The following KCNH4 variants were observed in gnomAD, a reference collection of about 807,000 sequenced individuals.
KCNH4 encodes the protein potassium voltage-gated channel subfamily H member 4.
A neutral mutation model predicts 90.7 loss-of-function variants in KCNH4; 33 were observed. The observed-to-expected ratio is 0.36, with a 90% CI of 0.28 to 0.49. The LOEUF (loss-of-function observed/expected upper bound fraction) is 0.49, where lower values mean the gene tolerates loss of function less well. Among genes scored for constraint, KCNH4 ranks in the 20% least tolerant of loss-of-function variants. The pLI, the probability that KCNH4 is intolerant of heterozygous loss-of-function variation, is 0.98. For missense variants in KCNH4, 1,044 were observed against 1,387.1 expected (o/e 0.75, Z 3.93); for synonymous variants, 551 against 581.7 (o/e 0.95, Z 0.76).
In KCNH4 at chr17:42,170,326, G is replaced by A. The variant is rs746725215; in HGVS notation, c.1196-25C>T. 11 of 1,553,264 alleles carry A rather than the reference G, an allele frequency of 7.1e-6. No individual in the cohort carries two copies. The South Asian group carries it at 1.3e-4, about 18-fold the overall frequency. On this transcript the variant is annotated intron_variant, in intron 7 of 16. Transcript: ENST00000264661. Reference sequence around the variant, plus strand: ...CCTGCAGGGTGGACGGATGCAGGGAGCCCTGGCTGTGCCAGCGGTGGAGAA... The same window carrying A: ...CCTGCAGGGTGGACGGATGCAGGGAACCCTGGCTGTGCCAGCGGTGGAGAA...
chr17:42,160,112 C>A lies in KCNH4; in HGVS notation c.2982G>T (p.Val994=). 1 of 1,593,094 alleles carries A rather than the reference C, an allele frequency of 6.3e-7. No individual in the cohort carries two copies. The highest frequency in any genetic ancestry group is 1.1e-5 in the South Asian group (1 of 87,496). The change falls in exon 16 of 17, where the codon GTG becomes GTT. Residue 994 remains valine, a synonymous_variant. Transcript: ENST00000264661. Reference sequence around the variant, plus strand: ...TTGGGGTTGGGGGTGAGGCCTCTGGCACTGGAGAGGGTCCCAGAGGGTCAG... The same window carrying A: ...TTGGGGTTGGGGGTGAGGCCTCTGGAACTGGAGAGGGTCCCAGAGGGTCAG... ...SEPDPLGPSP[V]PEASPPTPSL...
intron 2 of KCNH4, 40 bp downstream of exon 2, chr17:42,178,753 G>A (rs747925335): frequency 6.5e-6 from 10 of 1,546,980 alleles, no homozygotes; most frequent in African/African-American, 1.4e-5. Flanking sequence ...ATAAGGCTAG[G>A]GGTCTAGGCA....
At chr17:42,177,985 G>C (rs898932775) in intron 4 of KCNH4, 115 bp downstream of exon 4, 54 of 1,369,812 alleles carry the variant, frequency 3.9e-5, no homozygotes, top group Non-Finnish European at 5.2e-5. Flanking sequence ...GGTGGGCAGA[G>C]GAGCAAGCCA....
At chr17:42,162,011 C>A (rs1219468997) in intron 15 of KCNH4, among the ~76,000 whole-genome samples, 3 of 147,196 alleles carry the variant, frequency 2.0e-5, no homozygotes, top group Admixed American at 7.0e-5. Flanking sequence ...GGCTGGAGTG[C>A]AATGGCGCAA....
intron 4 of KCNH4, among the ~76,000 whole-genome samples, chr17:42,177,032 C>G (rs1017071405): frequency 6.6e-6 from 1 of 152,100 alleles, no homozygotes; most frequent in Non-Finnish European, 1.5e-5. Context: ...GCTGGGACCA[C>G]AGGCATGCAC....
chr17:42,174,063 T>G (rs1357414378), intron 6 of KCNH4, among the ~76,000 whole-genome samples: 5 of 152,072 alleles, frequency 3.3e-5, no homozygotes, highest in Non-Finnish European at 5.9e-5. Flanking sequence ...ACTCAAGCAA[T>G]TCTTGTACCT....
At chr17:42,165,024 C>G (rs1470654333) in intron 11 of KCNH4, among the ~76,000 whole-genome samples, 1 of 151,424 alleles carries the variant, frequency 6.6e-6, no homozygotes, top group Non-Finnish European at 1.5e-5. Flanking sequence ...GAGAATTGCT[C>G]CAACCCAGGA....
intron 10 of KCNH4, among the ~76,000 whole-genome samples, chr17:42,166,077 G>C (rs1271572542): frequency 6.6e-6 from 1 of 152,128 alleles, no homozygotes; most frequent in Non-Finnish European, 1.5e-5. Context: ...ACAGTCACCG[G>C]GAAGGGTTGA....
chr17:42,163,845 C>T lies in KCNH4; in HGVS notation c.2238G>A (p.Leu746=). ...GGPRPRRPLL[L]PNLSPARPRG... ...GAGGCCGTGCTGGGCTGAGGTTGGGCAGCAGGAGGGGCCGTCGGGGCCTGG... is the reference window on the plus strand; with the variant it reads ...GAGGCCGTGCTGGGCTGAGGTTGGGTAGCAGGAGGGGCCGTCGGGGCCTGG... Residue 746 remains leucine (L), a synonymous_variant, in exon 13 of 17, where the codon CTG becomes CTA. Coordinates refer to ENST00000264661, the MANE Select transcript of KCNH4 (RefSeq NM_012285.3). The surrounding 1 kb of genome is among the most constrained non-coding windows in gnomAD (Gnocchi z 5.4). 1 of 1,511,308 alleles carries T rather than the reference C, an allele frequency of 6.6e-7. No individual in the cohort carries two copies. The highest frequency in any genetic ancestry group is 8.9e-7 in the Non-Finnish European group (1 of 1,128,990). The allele number at this position is 1,511,308 out of a possible 1,614,324, so 93.6% of individuals were successfully genotyped here. A position where few individuals can be genotyped will look rare whatever the true frequency, so the allele number is the denominator to read the frequency against.
rs763941975 is a variant in KCNH4, at chr17:42,162,268, C to T, written c.2638G>A (p.Val880Ile). The change falls in exon 15 of 17, where the codon GTT (valine) becomes ATT (isoleucine). Residue 880 changes from valine (V) to isoleucine (I), a missense_variant. Val to Ile is a conservative substitution (Grantham distance 29, BLOSUM62 3). Around this residue, in one of 4 missense-constraint regions of KCNH4, gnomAD observed 441 missense variants for 512.3 expected, o/e 0.86. Coordinates refer to ENST00000264661, the MANE Select transcript of KCNH4 (RefSeq NM_012285.3). ...ASEAEEVKEK[V>I]CRLNQEISRL... is the part of the protein sequence containing the mutation. ...CCCACCTCCTGGTTCAGCCGGCAAA[C>T]CTTTTCCTTCACCTCCTCAGCCTCA... is the stretch of plus-strand genomic sequence containing the variant. The T allele has an allele frequency of 2.5e-6, 4 of 1,614,046 alleles. No individual in the cohort carries two copies. Among genetic ancestry groups the T allele is most frequent in the South Asian group, 1.1e-5 (1 of 91,068 alleles).
Position 42,160,393 on chromosome 17 carries a change from G to C in KCNH4, c.2701C>G (p.Leu901Val). 1 of 1,611,844 alleles carries C rather than the reference G, an allele frequency of 6.2e-7. No individual in the cohort carries two copies. Among genetic ancestry groups the C allele is most frequent in the Non-Finnish European group, 8.5e-7 (1 of 1,178,436 alleles). Residue 901 changes from leucine (L) to valine (V), a missense_variant, in exon 16 of 17, where the codon CTG becomes GTG. By Grantham distance (32) the Leu-to-Val change is conservative. This residue lies in a region of KCNH4 where 441 missense variants were observed against 512.3 expected (regional missense o/e 0.86). Transcript: ENST00000264661. ...NQEVSQLSRE[L>V]RHIMGLLQAR... ...TGCAGCAGGCCCATGATGTGCCGCA[G>C]CTCCCGGCTAAGCTGAGACACCTCC...
intron 11 of KCNH4, among the ~76,000 whole-genome samples, chr17:42,164,960 G>T (rs570811113): frequency 6.6e-6 from 1 of 151,782 alleles, no homozygotes; most frequent in East Asian, 1.9e-4. Flanking sequence ...ACAAAAATTA[G>T]CAGGGTGTGG....
intron 15 of KCNH4, among the ~76,000 whole-genome samples, chr17:42,161,942 A>C (rs112763221): frequency 4.7e-4 from 70 of 150,036 alleles, no homozygotes; most frequent in African/African-American, 1.6e-3. Flanking sequence ...GCTAGCGTGA[A>C]TATCTCTCTC....
intron 7 of KCNH4, 118 bp downstream of exon 7, chr17:42,171,670 T>G: frequency 4.5e-5 from 41 of 906,906 alleles, no homozygotes; most frequent in East Asian, 1.2e-4. Flanking sequence ...GCTCAACGCA[T>G]GTTTGTTGGA....
rs372302723 is a variant in KCNH4 at position 42,175,594 on chromosome 17, G to C, written c.972C>G (p.Ile324Met). ...GGTCACTCACCACGGTGATGTTGAAGATGTAAAGCAGGTCAAAGGGCAGAG... is the reference window on the plus strand; with the variant it reads ...GGTCACTCACCACGGTGATGTTGAACATGTAAAGCAGGTCAAAGGGCAGAG... Reference protein sequence around the residue: ...IAALPFDLLYIFNITVTSLVH... With the variant: ...IAALPFDLLYMFNITVTSLVH... Residue 324 changes from isoleucine to methionine, a missense_variant, in exon 6 of 17, where the codon ATC (isoleucine) becomes ATG (methionine). Around this residue, in one of 4 missense-constraint regions of KCNH4, gnomAD observed 318 missense variants for 479.6 expected, o/e 0.66. Coordinates refer to ENST00000264661, the MANE Select transcript of KCNH4 (RefSeq NM_012285.3). 2 of 1,614,096 alleles carry C rather than the reference G, an allele frequency of 1.2e-6. No homozygotes were observed. The highest frequency in any genetic ancestry group is 1.7e-6 in the Non-Finnish European group (2 of 1,180,042).
In KCNH4 at chr17:42,163,882, G is replaced by C; in HGVS notation, c.2201C>G (p.Pro734Arg). 6.5e-7 allele frequency: 1 copy of C among 1,538,070 alleles called. No homozygotes were observed. Reference sequence around the variant, plus strand: ...CCGTCGGGGCCTGGGACCACCCCCAGGCTCCGCGCCACTCTCGGCCTCTGT... The same window carrying C: ...CCGTCGGGGCCTGGGACCACCCCCACGCTCCGCGCCACTCTCGGCCTCTGT... ...SITEAESGAEPGGGPRPRRPL... is the reference protein window; with the variant it reads ...SITEAESGAERGGGPRPRRPL... Residue 734 changes from proline to arginine, a missense_variant, in exon 13 of 17, where the codon CCT becomes CGT. By Grantham distance (103) the Pro-to-Arg change is moderately radical. Coordinates refer to ENST00000264661, the MANE Select transcript of KCNH4 (RefSeq NM_012285.3). This position sits in a 1 kb window ranked among gnomAD's most constrained non-coding sequence, Gnocchi z 5.4.
intron 2 of KCNH4, 152 bp from the exon 3 acceptor site, chr17:42,178,629 C>T: frequency 8.2e-7 from 1 of 1,222,838 alleles, no homozygotes; most frequent in Non-Finnish European, 1.1e-6. Context: ...ATTCCTTCAT[C>T]TTTCAAATGG....
chr17:42,166,156 C>T (rs544900237), intron 10 of KCNH4, 141 bp downstream of exon 10: 11 of 1,076,062 alleles, frequency 1.0e-5, no homozygotes, highest in African/African-American at 1.6e-5. Flanking sequence ...GCGGAGGGAC[C>T]GAGAGAGTAC....
rs1396982344 is a variant in KCNH4, at chr17:42,160,381, T to C, written c.2713A>G (p.Met905Val). ...CCCAGCCTGGCCTGCAGCAGGCCCA[T>C]GATGTGCCGCAGCTCCCGGCTAAGC... is the stretch of plus-strand genomic sequence containing the variant. ...SQLSRELRHIMGLLQARLGPP... is the reference protein window; with the variant it reads ...SQLSRELRHIVGLLQARLGPP... Residue 905 changes from methionine (M) to valine (V), a missense_variant, in exon 16 of 17, where the codon ATG (methionine) becomes GTG (valine). Met to Val is a conservative substitution (Grantham distance 21, BLOSUM62 1). Transcript: ENST00000264661. 3.1e-6 allele frequency: 5 copies of C among 1,613,242 alleles called. No homozygotes were observed. Among genetic ancestry groups the C allele is most frequent in the South Asian group, 1.1e-5 (1 of 91,036 alleles).
Sources: allele counts gnomAD v4.1 joint callset (sites outside exome capture counted in the v4.1 genomes callset), GRCh38; gene constraint gnomAD v4.1.1; regional missense constraint gnomAD v4.1.1; non-coding constraint Gnocchi (gnomAD v3.1); transcripts MANE v1.5; gene names NCBI Gene and HGNC (gene_info 2026-07-23, HGNC 2026-07-21).